Variants in OXR1 observed in about 807,000 individuals in gnomAD.
OXR1 encodes oxidation resistance protein 1.
Under a neutral mutation model 104.6 loss-of-function variants are expected in OXR1, and 41 were observed. That is an observed-to-expected ratio of 0.39 (90% CI 0.31 to 0.51). OXR1 has a LOEUF of 0.51. Ranked by LOEUF, OXR1 falls within the 20% of genes least tolerant of loss-of-function variation. OXR1 has a pLI of 0.77. For synonymous variants in OXR1, 348 were observed against 348.4 expected, an observed-to-expected ratio of 1.00 and a Z score of 0.01; for missense variants, 955 against 1,031.9, an observed-to-expected ratio of 0.93 and a Z score of 1.02.
At chr8:106,678,248 A>G (rs1378580971) in intron 3 of OXR1, among the ~76,000 whole-genome samples, 1 of 152,066 alleles carries the variant, frequency 6.6e-6, no homozygotes, top group African/African-American at 2.4e-5. Context: ...TTAGGTCAAC[A>G]TAAACTCTTG....
chr8:106,672,876 T>C (rs568309411), intron 3 of OXR1, among the ~76,000 whole-genome samples: 1 of 152,324 alleles, frequency 6.6e-6, no homozygotes, highest in South Asian at 2.1e-4. Flanking sequence ...CCCCTTTGCT[T>C]TCTGCTATGA....
chr8:106,327,910 A>G (rs1011489567), intron 1 of OXR1, among the ~76,000 whole-genome samples: 4 of 152,242 alleles, frequency 2.6e-5, no homozygotes, highest in African/African-American at 9.6e-5. Flanking sequence ...TCCTTGCATT[A>G]GTCATCAGGA....
intron 3 of OXR1, among the ~76,000 whole-genome samples, chr8:106,646,166 C>T (rs960863542): frequency 2.6e-5 from 4 of 151,576 alleles, no homozygotes; most frequent in Admixed American, 1.3e-4. Flanking sequence ...AGTGCAGTGG[C>T]GTGATCTCGG....
intron 2 of OXR1, among the ~76,000 whole-genome samples, chr8:106,360,090 C>T (rs760628218): frequency 8.6e-5 from 13 of 151,878 alleles, no homozygotes; most frequent in Non-Finnish European, 1.5e-4. Flanking sequence ...AACTGAAATA[C>T]GGAATAGAAA....
intron 1 of OXR1, among the ~76,000 whole-genome samples, chr8:106,307,854 A>G (rs1433544223): frequency 6.6e-6 from 1 of 152,192 alleles, no homozygotes; most frequent in Non-Finnish European, 1.5e-5. Context: ...TCTTGGAGTG[A>G]TATTTCTGAG....
chr8:106,579,598 C>T (rs1251147736), intron 3 of OXR1, among the ~76,000 whole-genome samples: 1 of 152,054 alleles, frequency 6.6e-6, no homozygotes, highest in Non-Finnish European at 1.5e-5. Context: ...TCATGAGAAC[C>T]CCATAGGGTA....
At chr8:106,359,453 T>G in intron 1 of OXR1, 23 bp from the exon 2 acceptor site, 2 of 616,050 alleles carry the variant, frequency 3.2e-6, no homozygotes, top group South Asian at 4.0e-5. Flanking sequence ...CTAGAGATAT[T>G]CATTTATTTC....
intron 3 of OXR1, among the ~76,000 whole-genome samples, chr8:106,584,873 G>T (rs1256384850): frequency 6.6e-6 from 1 of 152,144 alleles, no homozygotes; most frequent in Non-Finnish European, 1.5e-5. Context: ...GCAGGTCTGA[G>T]AAAATAATTC....
chr8:106,657,990 G>T, intron 3 of OXR1: 1 of 1,248,372 alleles, frequency 8.0e-7, no homozygotes, highest in East Asian at 3.2e-5. Flanking sequence ...CGGCAGCATG[G>T]ACTACCTGAC....
intron 2 of OXR1, among the ~76,000 whole-genome samples, chr8:106,392,918 T>C (rs1586598153): frequency 6.6e-6 from 1 of 152,222 alleles, no homozygotes; most frequent in East Asian, 1.9e-4. Context: ...TGTTGTTCTT[T>C]AGATTTTCTT....
intron 2 of OXR1, among the ~76,000 whole-genome samples, chr8:106,404,952 G>A (rs756898407): frequency 1.1e-4 from 16 of 151,756 alleles, no homozygotes; most frequent in Non-Finnish European, 1.8e-4. Context: ...GGATCCACCC[G>A]CGTCAGCCTC....
chr8:106,607,078 GGTT>G (rs1202474796), intron 3 of OXR1, among the ~76,000 whole-genome samples: 3 of 152,120 alleles, frequency 2.0e-5, no homozygotes, highest in Non-Finnish European at 4.4e-5. Context: ...CAAAGAGCAG[GGTT>G]GTTATGTCTG....
At chr8:106,289,752 C>T (rs1812670533) in intron 1 of OXR1, among the ~76,000 whole-genome samples, 1 of 152,098 alleles carries the variant, frequency 6.6e-6, no homozygotes, top group Non-Finnish European at 1.5e-5. Flanking sequence ...TTGGCTATGT[C>T]CCCACCCAAA....
intron 8 of OXR1, among the ~76,000 whole-genome samples, chr8:106,704,562 T>C (rs1275653572): frequency 6.6e-6 from 1 of 151,978 alleles, no homozygotes; most frequent in Non-Finnish European, 1.5e-5. Context: ...CACATCTGGC[T>C]AATTTTTGTA....
chr8:106,677,100 C>T (rs1477206983), intron 3 of OXR1, among the ~76,000 whole-genome samples: 1 of 151,868 alleles, frequency 6.6e-6, no homozygotes, highest in Admixed American at 6.6e-5. Context: ...AACGGTTACT[C>T]CTAAAATCAA....
intron 3 of OXR1, among the ~76,000 whole-genome samples, chr8:106,627,599 C>G (rs1285003090): frequency 6.6e-6 from 1 of 152,150 alleles, no homozygotes; most frequent in Non-Finnish European, 1.5e-5. Context: ...AATTAAGCTA[C>G]CGAACTACCC....
intron 1 of OXR1, among the ~76,000 whole-genome samples, chr8:106,334,410 A>G (rs1484351781): frequency 6.6e-6 from 1 of 151,556 alleles, no homozygotes; most frequent in Middle Eastern, 3.2e-3. Flanking sequence ...TTTCCTCTGT[A>G]CTCTTGATGC....
At chr8:106,409,039 C>T (rs1382217665) in intron 2 of OXR1, among the ~76,000 whole-genome samples, 1 of 152,190 alleles carries the variant, frequency 6.6e-6, no homozygotes, top group Non-Finnish European at 1.5e-5. Flanking sequence ...TCCTTGCCTT[C>T]TGCCTTAGAG....
At chr8:106,533,550 A>G (rs138599984) in intron 3 of OXR1, among the ~76,000 whole-genome samples, 224 of 152,222 alleles carry the variant, frequency 1.5e-3, no homozygotes, top group African/African-American at 5.1e-3. Context: ...TAAACACCCT[A>G]TGTATTGCAG....
Sources: allele counts gnomAD v4.1 joint callset (sites outside exome capture counted in the v4.1 genomes callset), GRCh38; gene constraint gnomAD v4.1.1; transcripts MANE v1.5; gene names NCBI Gene and HGNC (gene_info 2026-07-23, HGNC 2026-07-21).